Variants in PDCD11 observed in about 807,000 individuals in gnomAD.
PDCD11 encodes programmed cell death 11.
Under a neutral mutation model 198.9 loss-of-function variants are expected in PDCD11, and 97 were observed. That is an observed-to-expected ratio of 0.49 (90% CI 0.41 to 0.58). The LOEUF (loss-of-function observed/expected upper bound fraction) is 0.58. Among genes scored for constraint, PDCD11 ranks in the 20% least tolerant of loss-of-function variants. PDCD11 has a pLI of 0.00. For missense variants in PDCD11, 2,102 were observed against 2,312.7 expected (o/e 0.91, Z 1.87); for synonymous variants, 893 against 918.0 (o/e 0.97, Z 0.49).
intron 16 of PDCD11, 146 bp downstream of exon 16, chr10:103,419,854 ATCTCTGCTCGCTGTAACC>A: frequency 1.6e-6 from 1 of 606,752 alleles, no homozygotes; most frequent in Non-Finnish European, 2.7e-6. Context: ...CAGTGGTGTG[ATCTCTGCTCGCTGTAACC>A]TCCGCCTCCT....
intron 9 of PDCD11, 38 bp downstream of exon 9, chr10:103,413,360 C>T (rs776891213): frequency 2.0e-6 from 3 of 1,535,654 alleles, no homozygotes; most frequent in Non-Finnish European, 1.8e-6. Flanking sequence ...GATCTTATCA[C>T]TGGAAGGACT....
At position 103,398,523 on chromosome 10, in the gene PDCD11, T is replaced by C. The variant is rs2093449023; in HGVS notation, c.97T>C (p.Phe33Leu). ...GCAGTCAGTTGAACAAGACAACTTA[T>C]TTGATGTAAGTAGTATGCTTGTTTG... Reference protein sequence around the residue: ...FQQSVEQDNLFDISTEEGSTK... With the variant: ...FQQSVEQDNLLDISTEEGSTK... The change falls in exon 2 of 36, where the codon TTT becomes CTT. Residue 33 changes from phenylalanine (F) to leucine (L), a missense_variant. Phe to Leu is a conservative substitution (Grantham distance 22). Transcript: ENST00000369797. 1.2e-6 allele frequency: 2 copies of C among 1,602,234 alleles called. No individual in the cohort carries two copies. Among genetic ancestry groups the C allele is most frequent in the Non-Finnish European group, 1.7e-6 (2 of 1,169,048 alleles).
chr10:103,407,207 C>T (rs960513783), intron 7 of PDCD11, among the ~76,000 whole-genome samples: 12 of 152,266 alleles, frequency 7.9e-5, no homozygotes, highest in South Asian at 2.1e-4. Context: ...TAAGCTTCTG[C>T]TGGTATCTCT....
In PDCD11 at chr10:103,417,929, G is replaced by A. The variant is rs528315565; in HGVS notation, c.1908G>A (p.Gly636=). 72 of 1,614,146 alleles carry A rather than the reference G, an allele frequency of 4.5e-5. No homozygotes were observed. The South Asian group carries it at 7.0e-4, about 16-fold the overall frequency. Residue 636 remains glycine (G), a synonymous_variant, in exon 14 of 36, where the codon GGG becomes GGA. Transcript: ENST00000369797. ...AGAAAGGAAAAGCCATTAACATTGGGCAGGTACGTGGACTTCTCTGGACAA... is the reference window on the plus strand; with the variant it reads ...AGAAAGGAAAAGCCATTAACATTGGACAGGTACGTGGACTTCTCTGGACAA... The part of the protein sequence containing the change: ...SQKKGKAINI[G]QLVDVKVLEK...
At chr10:103,441,002 A>AG in intron 30 of PDCD11, 152 bp downstream of exon 30, 2 of 600,248 alleles carry the variant, frequency 3.3e-6, no homozygotes, top group East Asian at 5.9e-5. Context: ...CTTGAGGACA[A>AG]GGGACCCTTT....
intron 25 of PDCD11, 89 bp downstream of exon 25, chr10:103,435,064 GA>G (rs1196077207): frequency 3.2e-6 from 3 of 930,638 alleles, no homozygotes; most frequent in East Asian, 3.0e-5. Flanking sequence ...CTTTTTATCA[GA>G]AAAACAGGTA....
At chr10:103,420,106 T>C (rs2031343291) in intron 16 of PDCD11, among the ~76,000 whole-genome samples, 1 of 151,984 alleles carries the variant, frequency 6.6e-6, no homozygotes, top group African/African-American at 2.4e-5. Context: ...CCAAGGATAC[T>C]TTACTCTTTT....
rs781022588 is a variant in PDCD11, at chr10:103,421,486, G to A, written c.2416G>A (p.Asp806Asn). The A allele has an allele frequency of 4.4e-6, 7 of 1,597,636 alleles. No individual in the cohort carries two copies. The South Asian group carries it at 7.9e-5, about 18-fold the overall frequency. ...GCGGCTGTCGGACTGTGGTCTGGGGGACTTGGCTATCACCAGCCTCCTCCT... is the reference window on the plus strand; with the variant it reads ...GCGGCTGTCGGACTGTGGTCTGGGGAACTTGGCTATCACCAGCCTCCTCCT... ...SLRLSDCGLG[D>N]LAITSLLLLN... is the part of the protein sequence containing the mutation. Residue 806 changes from aspartate (D) to asparagine (N), a missense_variant, in exon 17 of 36, where the codon GAC becomes AAC. Physicochemically the swap from Asp to Asn is conservative, Grantham distance 23 (BLOSUM62 1). Transcript: ENST00000369797.
intron 20 of PDCD11, among the ~76,000 whole-genome samples, chr10:103,426,941 A>T (rs1309051298): frequency 5.3e-5 from 8 of 150,056 alleles, no homozygotes; most frequent in South Asian, 2.1e-4. Context: ...AAAAAAAAAT[A>T]AATAAATAAA....
intron 33 of PDCD11, 119 bp from the exon 34 acceptor site, chr10:103,443,796 C>T: frequency 9.8e-7 from 1 of 1,017,480 alleles, no homozygotes; most frequent in Non-Finnish European, 1.5e-6. Context: ...GCATTAGGCC[C>T]TGAGAGTGAT....
chr10:103,443,096 T>C, intron 32 of PDCD11, 69 bp from the exon 33 acceptor site: 1 of 1,385,976 alleles, frequency 7.2e-7, no homozygotes, highest in East Asian at 2.4e-5. Context: ...GGTTCCTGAG[T>C]CTGTCTGGAT....
In PDCD11 at chr10:103,406,601, G is replaced by A; in HGVS notation, c.689-8G>A. Reference sequence around the variant, plus strand: ...TTTTCCTTTTGGGGCCTGGGTCTGGGCTTACAGGTGCTAAACTAAAGGTGG... The same window carrying A: ...TTTTCCTTTTGGGGCCTGGGTCTGGACTTACAGGTGCTAAACTAAAGGTGG... On this transcript the variant is annotated splice_region_variant and splice_polypyrimidine_tract_variant and intron_variant, in intron 6 of 35. Coordinates refer to ENST00000369797, the MANE Select transcript of PDCD11 (RefSeq NM_014976.2). 6.2e-7 allele frequency: 1 copy of A among 1,613,302 alleles called. No homozygotes were observed.
rs1308877087 is a variant in PDCD11, at chr10:103,432,202, G to T, written c.3442G>T (p.Ala1148Ser). The change falls in exon 22 of 36, where the codon GCC becomes TCC. Residue 1148 changes from alanine (A) to serine (S), a missense_variant. Ala to Ser is a moderately conservative substitution (Grantham distance 99). Coordinates refer to ENST00000369797, the MANE Select transcript of PDCD11 (RefSeq NM_014976.2). ...CATGGAGAAGATTAAACAGTACCAG[G>T]CCGGCCAGACTGTTACTTGCTTCTT... ...SPMEKIKQYQ[A>S]GQTVTCFLKK... 22 of 1,613,724 alleles carry T rather than the reference G, an allele frequency of 1.4e-5. No homozygotes were observed. Among genetic ancestry groups the T allele is most frequent in the Non-Finnish European group, 1.9e-5 (22 of 1,179,588 alleles).
intron 12 of PDCD11, among the ~76,000 whole-genome samples, 177 bp from the exon 13 acceptor site, chr10:103,416,314 T>A (rs2031104633): frequency 6.6e-6 from 1 of 152,230 alleles, no homozygotes; most frequent in Non-Finnish European, 1.5e-5. Flanking sequence ...TAGTGATTTG[T>A]ATGCTCCAGA....
chr10:103,437,178 GT>G (rs2032186293), intron 25 of PDCD11, among the ~76,000 whole-genome samples: 1 of 152,060 alleles, frequency 6.6e-6, no homozygotes, highest in Non-Finnish European at 1.5e-5. Flanking sequence ...GTCTTACTTA[GT>G]TGCCCAGGCT....
intron 25 of PDCD11, among the ~76,000 whole-genome samples, chr10:103,435,677 T>A (rs900682743): frequency 1.3e-5 from 2 of 152,220 alleles, no homozygotes; most frequent in African/African-American, 4.8e-5. Context: ...GACGCCTGGC[T>A]AATTTTTGTA....
chr10:103,443,473 AAAG>A (rs2133756986), intron 33 of PDCD11, 140 bp downstream of exon 33: 2 of 635,626 alleles, frequency 3.1e-6, no homozygotes, highest in Admixed American at 6.3e-5. Flanking sequence ...CTTCCAAGTA[AAAG>A]AAGTCATTTC....
chr10:103,442,011 G>T (rs779429349), intron 31 of PDCD11, 36 bp downstream of exon 31: 15 of 1,611,496 alleles, frequency 9.3e-6, no homozygotes. Context: ...TTTTTGCAGG[G>T]ACCCCTTGGT....
At chr10:103,402,290 T>C (rs2030144728) in intron 3 of PDCD11, among the ~76,000 whole-genome samples, 1 of 152,174 alleles carries the variant, frequency 6.6e-6, no homozygotes, top group African/African-American at 2.4e-5. Context: ...GGCAAAGGTG[T>C]CCTCCAGTAT....
Sources: gnomAD v4.1 joint callset for allele counts (sites outside exome capture counted in the v4.1 genomes callset) on GRCh38, gnomAD v4.1.1 for gene constraint, MANE v1.5 for transcripts, NCBI Gene and HGNC (gene_info 2026-07-23, HGNC 2026-07-21) for gene names.